Variants in UBE3D observed in about 807,000 individuals in gnomAD.
UBE3D encodes E3 ubiquitin-protein ligase E3D.
Under a neutral mutation model 49.6 loss-of-function variants are expected in UBE3D, and 48 were observed. That is an observed-to-expected ratio of 0.97 (90% CI 0.77 to 1.23). The LOEUF is 1.23. Among genes scored for constraint, UBE3D ranks in the 50% most tolerant of loss-of-function variants. The probability of loss-of-function intolerance (pLI) is 0.00; values close to 1 mark genes in which losing one functional copy is unlikely to be tolerated. For synonymous variants in UBE3D, 189 were observed against 174.2 expected (o/e 1.08, Z -0.67); for missense variants, 452 against 468.4 (o/e 0.96, Z 0.32).
At chr6:82,904,181 CTG>C (rs983339927) in intron 9 of UBE3D, among the ~76,000 whole-genome samples, 1 of 152,086 alleles carries the variant, frequency 6.6e-6, no homozygotes. Context: ...TTTTTGGAAA[CTG>C]TGACTTTAAG....
At chr6:82,889,959 C>T (rs1770951283), downstream of UBE3D, among the ~76,000 whole-genome samples, 1 of 151,460 alleles carries the variant, frequency 6.6e-6, no homozygotes, top group Admixed American at 6.6e-5. Flanking sequence ...CACTTGTTTA[C>T]AGCAGATTTT....
At chr6:83,056,367 G>C (rs1413889577) in intron 2 of UBE3D, among the ~76,000 whole-genome samples, 1 of 152,132 alleles carries the variant, frequency 6.6e-6, no homozygotes, top group Non-Finnish European at 1.5e-5. Flanking sequence ...TTGTGAAAGA[G>C]GTAACTGTTG....
At chr6:83,063,408 T>C (rs891684951) in intron 1 of UBE3D, among the ~76,000 whole-genome samples, 9 of 114,952 alleles carry the variant, frequency 7.8e-5, no homozygotes, top group African/African-American at 2.5e-4. Context: ...AGCAAGACGC[T>C]GTCTAAAAAA....
At chr6:82,894,078 A>T (rs151208866) in intron 9 of UBE3D, 1 of 152,178 alleles carries the variant, frequency 6.6e-6, no homozygotes, top group African/African-American at 2.4e-5. Flanking sequence ...GGAAAGGTTG[A>T]TTCCTAAACA....
At chr6:82,936,218 G>A (rs925862805) in intron 9 of UBE3D, among the ~76,000 whole-genome samples, 4 of 152,146 alleles carry the variant, frequency 2.6e-5, no homozygotes, top group Admixed American at 2.6e-4. Context: ...AACTACATTA[G>A]TGAAACAAAA....
intron 9 of UBE3D, among the ~76,000 whole-genome samples, chr6:82,956,517 G>A (rs186411332): frequency 6.6e-6 from 1 of 152,264 alleles, no homozygotes; most frequent in African/African-American, 2.4e-5. Flanking sequence ...ATAAGGGAGA[G>A]GGCTAAGGAG....
At chr6:82,890,108 G>A (rs1347661354), downstream of UBE3D, among the ~76,000 whole-genome samples, 1 of 152,042 alleles carries the variant, frequency 6.6e-6, no homozygotes, top group African/African-American at 2.4e-5. Context: ...AGACAGAGGA[G>A]GCTAATGTGG....
chr6:83,056,273 T>C lies in UBE3D; in HGVS notation c.274+1553A>G, dbSNP rs370828992. On this transcript the variant is annotated intron_variant, in intron 2 of 9. Transcript: ENST00000369747. ...TATTCCTCCATCTCTAAAATCACAA[T>C]CCCAGAAAACACTCCACTGTGGCTT... Among the ~76,000 whole-genome samples, 5 of 152,246 alleles carry C rather than the reference T, an allele frequency of 3.3e-5. No individual in the cohort carries two copies. In the East Asian group the frequency reaches 7.7e-4, roughly 24 times the overall value.
At chr6:83,032,324 A>G in intron 5 of UBE3D, 1 of 453,666 alleles carries the variant, frequency 2.2e-6, no homozygotes, top group Non-Finnish European at 4.4e-6. Flanking sequence ...TGAGACATGA[A>G]GTCAAAAGAG....
At chr6:83,056,059 T>C (rs1232556377) in intron 2 of UBE3D, among the ~76,000 whole-genome samples, 1 of 152,196 alleles carries the variant, frequency 6.6e-6, no homozygotes, top group East Asian at 1.9e-4. Context: ...TGTAAAGAAA[T>C]AGGAGACCAG....
intron 4 of UBE3D, among the ~76,000 whole-genome samples, chr6:83,038,850 CAT>C (rs1265311094): frequency 6.6e-6 from 1 of 151,664 alleles, no homozygotes; most frequent in Non-Finnish European, 1.5e-5. Flanking sequence ...TGCCCCAACT[CAT>C]GTGTATAGAA....
chr6:82,944,746 G>A (rs561573933), intron 9 of UBE3D, among the ~76,000 whole-genome samples: 1 of 152,320 alleles, frequency 6.6e-6, no homozygotes, highest in South Asian at 2.1e-4. Flanking sequence ...CCTGAAGGGT[G>A]AGTCCCAGTC....
At chr6:82,920,887 T>C (rs1773283036) in intron 9 of UBE3D, among the ~76,000 whole-genome samples, 1 of 151,480 alleles carries the variant, frequency 6.6e-6, no homozygotes, top group Non-Finnish European at 1.5e-5. Context: ...TTTTTTCCAG[T>C]ATGGTAGCCT....
At chr6:83,038,623 G>T in intron 4 of UBE3D, 138 bp from the exon 5 acceptor site, 1 of 707,996 alleles carries the variant, frequency 1.4e-6, no homozygotes, top group Non-Finnish European at 2.3e-6. Context: ...AATACATTTA[G>T]CTTGTATGCA....
At chr6:83,047,466 A>G in intron 3 of UBE3D, among the ~76,000 whole-genome samples, 1 of 152,078 alleles carries the variant, frequency 6.6e-6, no homozygotes, top group Non-Finnish European at 1.5e-5. Flanking sequence ...CAGCTCCCGT[A>G]CCTCCCTGAT....
chr6:82,939,379 G>A (rs1378819718), intron 9 of UBE3D, among the ~76,000 whole-genome samples: 2 of 152,192 alleles, frequency 1.3e-5, no homozygotes, highest in Admixed American at 1.3e-4. Context: ...ATACCACATC[G>A]TCTATCGTGG....
chr6:83,033,322 T>C lies in UBE3D; in HGVS notation c.667+5094A>G, dbSNP rs116703477. Among the ~76,000 whole-genome samples, 774 of 152,316 alleles carry C rather than the reference T, an allele frequency of 5.1e-3. 5 individuals are homozygous for C. Among genetic ancestry groups the C allele is most frequent in the African/African-American group, 0.018 (730 of 41,552 alleles). The stretch of plus-strand genomic sequence containing the variant: ...CTCAAAAATTGGAGATTACATTTTA[T>C]TATTGTAAATTGGGGATTATATTTT... On this transcript the variant is annotated intron_variant, in intron 5 of 9. Coordinates refer to ENST00000369747, the MANE Select transcript of UBE3D (RefSeq NM_198920.3).
intron 5 of UBE3D, among the ~76,000 whole-genome samples, chr6:83,035,717 G>A (rs1782199416): frequency 6.6e-6 from 1 of 152,178 alleles, no homozygotes; most frequent in Admixed American, 6.5e-5. Flanking sequence ...TGGGTACTTA[G>A]TGGACCCTTT....
intron 7 of UBE3D, among the ~76,000 whole-genome samples, chr6:83,019,914 G>A (rs766874961): frequency 6.6e-6 from 1 of 152,162 alleles, no homozygotes; most frequent in Non-Finnish European, 1.5e-5. Context: ...GTGGCGGACA[G>A]GTAACTTCTG....
Sources: gnomAD v4.1 joint callset for allele counts (sites outside exome capture counted in the v4.1 genomes callset) on GRCh38, gnomAD v4.1.1 for gene constraint, MANE v1.5 for transcripts, NCBI Gene and HGNC (gene_info 2026-07-23, HGNC 2026-07-21) for gene names.